The following KIAA1671 variants were observed in gnomAD, a reference collection of about 807,000 sequenced individuals.
The protein encoded by KIAA1671 is uncharacterized protein KIAA1671.
A neutral mutation model predicts 131.2 loss-of-function variants in KIAA1671; 52 were observed. That is an observed-to-expected ratio of 0.40 (90% CI 0.32 to 0.50). The LOEUF (loss-of-function observed/expected upper bound fraction) is 0.50, where lower values mean the gene tolerates loss of function less well. Among genes scored for constraint, KIAA1671 ranks in the 20% least tolerant of loss-of-function variants. The probability of loss-of-function intolerance (pLI) is 0.73; values close to 1 mark genes in which losing one functional copy is unlikely to be tolerated. For synonymous variants in KIAA1671, 1,003 were observed against 961.6 expected (o/e 1.04, Z -0.80); for missense variants, 2,360 against 2,364.2 (o/e 1.00, Z 0.04).
At chr22:25,005,033 T>G (rs1009830770) in intron 1 of KIAA1671, among the ~76,000 whole-genome samples, 1 of 151,370 alleles carries the variant, frequency 6.6e-6, no homozygotes, top group African/African-American at 2.4e-5. Context: ...GAATTCCTTG[T>G]AGGTGGCAAA....
At chr22:25,105,207 A>G (rs1930934336) in intron 6 of KIAA1671, among the ~76,000 whole-genome samples, 1 of 152,046 alleles carries the variant, frequency 6.6e-6, no homozygotes, top group African/African-American at 2.4e-5. Flanking sequence ...TTTTTAGTAG[A>G]TATGGGGTTT....
chr22:25,100,101 C>T (rs1793752743), intron 6 of KIAA1671, among the ~76,000 whole-genome samples: 1 of 152,186 alleles, frequency 6.6e-6, no homozygotes, highest in Non-Finnish European at 1.5e-5. Context: ...GGGTAACCCC[C>T]TTGGGGAATC....
rs559172094 is a variant in KIAA1671, at chr22:25,158,101, G to A, written c.4531-12719G>A. Among the ~76,000 whole-genome samples the A allele has an allele frequency of 1.9e-3, 292 of 152,308 alleles. 2 individuals carry two copies. Among genetic ancestry groups the A allele is most frequent in the Admixed American group, 3.0e-3 (46 of 15,300 alleles). ...CTCCCAAAGTCCTGGGATTACAGGC[G>A]TGAGCCACCATGCCCAGCCCACATA... On this transcript the variant is annotated intron_variant, in intron 6 of 12. Coordinates refer to ENST00000358431, the MANE Select transcript of KIAA1671 (RefSeq NM_001145206.2).
At chr22:25,117,315 G>A (rs1326995298) in intron 6 of KIAA1671, among the ~76,000 whole-genome samples, 1 of 152,096 alleles carries the variant, frequency 6.6e-6, no homozygotes, top group East Asian at 1.9e-4. Context: ...GTGGGGTATA[G>A]CCCCATACTT....
In KIAA1671 at chr22:25,051,537, C is replaced by CT. The variant is rs1463310494; in HGVS notation, c.4530+2175dup. ...TGGTAGCTTTTGCTTCTTTCTCCCTCTTCCCTTCCTCCTTTCCTGATCCTT... is the reference window on the plus strand; with the variant it reads ...TGGTAGCTTTTGCTTCTTTCTCCCTCTTTCCCTTCCTCCTTTCCTGATCCTT... On this transcript the variant is annotated intron_variant, in intron 6 of 12. Coordinates refer to ENST00000358431, the MANE Select transcript of KIAA1671 (RefSeq NM_001145206.2). 2 of 152,308 alleles carry CT rather than the reference C, an allele frequency of 1.3e-5. 1 individual carries two copies. Among genetic ancestry groups the CT allele is most frequent in the Non-Finnish European group, 2.9e-5 (2 of 68,092 alleles). The allele number at this position is 152,308 out of a possible 1,614,324, so 9.4% of individuals were successfully genotyped here. A position where few individuals can be genotyped will look rare whatever the true frequency, so the allele number is the denominator to read the frequency against.
intron 6 of KIAA1671, among the ~76,000 whole-genome samples, chr22:25,156,026 T>A (rs1933227489): frequency 8.6e-6 from 1 of 116,722 alleles, no homozygotes; most frequent in Admixed American, 8.7e-5. Context: ...TTTTTTTTTT[T>A]TTTTTTTTTT....
chr22:25,046,741 A>G (rs1927255900), intron 5 of KIAA1671, among the ~76,000 whole-genome samples: 1 of 152,174 alleles, frequency 6.6e-6, no homozygotes, highest in African/African-American at 2.4e-5. Flanking sequence ...TCCATAATAA[A>G]GAGCACTTTC....
intron 6 of KIAA1671, among the ~76,000 whole-genome samples, chr22:25,105,831 G>GT (rs869185119): frequency 2.2e-5 from 3 of 138,190 alleles, no homozygotes; most frequent in African/African-American, 7.8e-5. Context: ...GGGGGGGGGG[G>GT]TGCCAAACTC....
intron 10 of KIAA1671, among the ~76,000 whole-genome samples, 190 bp from the exon 11 acceptor site, chr22:25,184,787 G>A (rs566753628): frequency 1.3e-5 from 2 of 152,008 alleles, no homozygotes; most frequent in Non-Finnish European, 2.9e-5. Context: ...CTTGGGGGTC[G>A]AGGGTGGCTG....
chr22:25,020,840 G>A (rs984566974), intron 1 of KIAA1671, among the ~76,000 whole-genome samples: 1 of 152,192 alleles, frequency 6.6e-6, no homozygotes, highest in African/African-American at 2.4e-5. Context: ...GACAGATGGG[G>A]TGGTGTCAGT....
rs56200570 is a variant in KIAA1671 at position 25,093,838 on chromosome 22, GTCTCTCTCTCTCTC to G, written c.4530+44509_4530+44522del. 3.1e-4 allele frequency among the ~76,000 whole-genome samples: 6 copies of G among 19,640 alleles called. No individual in the cohort carries two copies. The East Asian group carries it at 4.8e-3, about 16-fold the overall frequency. 12.9% of individuals were successfully genotyped at this position (19,640 alleles called of 152,430 possible). A position where few individuals can be genotyped will look rare whatever the true frequency, so the allele number is the denominator to read the frequency against. On this transcript the variant is annotated intron_variant, in intron 6 of 12. Coordinates refer to ENST00000358431, the MANE Select transcript of KIAA1671 (RefSeq NM_001145206.2). ...TCTCTCTCTCTTTCTCTCTCTGTCT[GTCTCTCTCTCTCTC>G]TCTCTCTCTCTCTCTCTCTCTCTCT...
chr22:25,169,418 CAAAAAAAAAAAA>C (rs34299474), intron 6 of KIAA1671, among the ~76,000 whole-genome samples: 1 of 118,102 alleles, frequency 8.5e-6, no homozygotes, highest in African/African-American at 3.3e-5. Flanking sequence ...GACCTTGTCT[CAAAAAAAAAAAA>C]AAAAAAAAAG....
At chr22:24,985,735 AGTGTGTGTGTGTAT>A (rs1923490218) in intron 1 of KIAA1671, among the ~76,000 whole-genome samples, 2 of 146,322 alleles carry the variant, frequency 1.4e-5, no homozygotes, top group South Asian at 4.4e-4. Context: ...AGAGTGTGTG[AGTGTGTGTGTGTAT>A]GTGTGTGTGT....
intron 1 of KIAA1671, among the ~76,000 whole-genome samples, chr22:24,979,358 ATTTT>A: frequency 8.0e-6 from 1 of 125,330 alleles, no homozygotes; most frequent in South Asian, 2.5e-4. Flanking sequence ...TTATTTATTT[ATTTT>A]TTTTTGAGAC....
At chr22:25,092,757 CA>C (rs1930083606) in intron 6 of KIAA1671, among the ~76,000 whole-genome samples, 2 of 152,174 alleles carry the variant, frequency 1.3e-5, no homozygotes, top group African/African-American at 4.8e-5. Flanking sequence ...GCCCGAATAA[CA>C]GGCGAGTGGT....
intron 1 of KIAA1671, chr22:25,012,023 A>C (rs1925068305): frequency 6.6e-6 from 1 of 152,190 alleles, no homozygotes; most frequent in South Asian, 2.1e-4. Context: ...TTTTTAAATC[A>C]GAATTGGGTC....
chr22:25,187,349 T>G (rs1934510087), intron 11 of KIAA1671, among the ~76,000 whole-genome samples: 1 of 152,194 alleles, frequency 6.6e-6, no homozygotes, highest in Non-Finnish European at 1.5e-5. Context: ...TCTGGGCATC[T>G]CTCCTTCCAT....
At chr22:24,982,957 T>C (rs533593639) in intron 1 of KIAA1671, among the ~76,000 whole-genome samples, 75 of 152,316 alleles carry the variant, frequency 4.9e-4, no homozygotes, top group African/African-American at 1.7e-3. Context: ...TTGGCCTTTC[T>C]GAGCTTCCTT....
chr22:25,143,709 T>C (rs1932837442), intron 6 of KIAA1671, among the ~76,000 whole-genome samples: 1 of 152,090 alleles, frequency 6.6e-6, no homozygotes, highest in East Asian at 1.9e-4. Context: ...TGCACCAGGC[T>C]CCCCAACCCT....
Sources: allele counts gnomAD v4.1 joint callset (sites outside exome capture counted in the v4.1 genomes callset), GRCh38; gene constraint gnomAD v4.1.1; transcripts MANE v1.5; gene names NCBI Gene and HGNC (gene_info 2026-07-23, HGNC 2026-07-21).